GPR39: variants seen among roughly 807,000 people sequenced by gnomAD.
GPR39 encodes G protein-coupled receptor 39, also known as zinc sensing receptor.
GPR39 carries 23 observed loss-of-function variants against 18.4 expected under a neutral mutation model. That is an observed-to-expected ratio of 1.25 (90% CI 0.90 to 1.77). The LOEUF (loss-of-function observed/expected upper bound fraction) is 1.77. GPR39 is among the 40% of genes most tolerant of loss of function. The pLI, the probability that GPR39 is intolerant of heterozygous loss-of-function variation, is 0.00. For missense variants in GPR39, 647 were observed against 602.4 expected (o/e 1.07, Z -0.78); for synonymous variants, 280 against 257.9 (o/e 1.09, Z -0.82).
chr2:132,615,502 T>A (rs1681318207), intron 1 of GPR39, among the ~76,000 whole-genome samples: 1 of 152,088 alleles, frequency 6.6e-6, no homozygotes, highest in African/African-American at 2.4e-5. Context: ...TGTGCTTTAT[T>A]GGAGAGCAGG....
chr2:132,631,280 G>A (rs1451514799), intron 1 of GPR39, among the ~76,000 whole-genome samples: 1 of 152,166 alleles, frequency 6.6e-6, no homozygotes, highest in Non-Finnish European at 1.5e-5. Context: ...TGCTGCACTT[G>A]GATGGGAGAG....
intron 1 of GPR39, among the ~76,000 whole-genome samples, chr2:132,529,812 C>A (rs565047999): frequency 1.3e-5 from 2 of 152,316 alleles, no homozygotes; most frequent in African/African-American, 4.8e-5. Context: ...AGAAGGAAAG[C>A]TAGCAAACAG....
chr2:132,492,403 T>C (rs954338934), intron 1 of GPR39, among the ~76,000 whole-genome samples: 71 of 141,802 alleles, frequency 5.0e-4, no homozygotes, highest in African/African-American at 1.8e-3. Flanking sequence ...ACCATATATA[T>C]ACATACCATA....
intron 1 of GPR39, among the ~76,000 whole-genome samples, chr2:132,534,760 T>A (rs13014973): frequency 1.3e-5 from 2 of 151,894 alleles, no homozygotes; most frequent in African/African-American, 2.4e-5. Context: ...AACACCACAT[T>A]TTCTCACTCA....
chr2:132,481,529 A>G (rs1010243992), intron 1 of GPR39, among the ~76,000 whole-genome samples: 6 of 152,218 alleles, frequency 3.9e-5, no homozygotes, highest in African/African-American at 1.4e-4. Flanking sequence ...TTTTAAGGTC[A>G]TTATTCTGTC....
chr2:132,530,139 C>T (rs1022414760), intron 1 of GPR39, among the ~76,000 whole-genome samples: 1 of 151,934 alleles, frequency 6.6e-6, no homozygotes, highest in African/African-American at 2.4e-5. Flanking sequence ...ACTAGAATAA[C>T]CAATGCAGAG....
rs915480989 is a variant in GPR39, at chr2:132,416,929, G to A, written c.-114G>A. ...ACCTTCGCGAGGAGAACTCGAGTGA[G>A]ATAAAATCGTGCGCCCACGCAGGTG... On this transcript the variant is annotated 5_prime_UTR_variant, in exon 1 of 2. Transcript: ENST00000329321. The A allele has an allele frequency of 1.5e-6, 2 of 1,309,500 alleles. No individual in the cohort carries two copies. The highest frequency in any genetic ancestry group is 2.1e-6 in the Non-Finnish European group (2 of 948,788). 81.1% of individuals were successfully genotyped at this position (1,309,500 alleles called of 1,614,324 possible).
At chr2:132,527,486 T>C (rs2104772244) in intron 1 of GPR39, among the ~76,000 whole-genome samples, 1 of 152,366 alleles carries the variant, frequency 6.6e-6, no homozygotes, top group Non-Finnish European at 1.5e-5. Context: ...AAATGGTGTT[T>C]GTAGTTCTAG....
intron 1 of GPR39, among the ~76,000 whole-genome samples, chr2:132,586,746 C>G (rs1267302969): frequency 6.6e-6 from 1 of 152,188 alleles, no homozygotes; most frequent in Non-Finnish European, 1.5e-5. Context: ...GCACAGTTTG[C>G]TGGGTCTTCA....
intron 1 of GPR39, among the ~76,000 whole-genome samples, chr2:132,486,074 G>C (rs1681331843): frequency 6.6e-6 from 1 of 152,176 alleles, no homozygotes; most frequent in Non-Finnish European, 1.5e-5. Flanking sequence ...TAATCTCCTT[G>C]TACATCTCCA....
chr2:132,603,785 C>T (rs1218656383), intron 1 of GPR39, among the ~76,000 whole-genome samples: 4 of 152,108 alleles, frequency 2.6e-5, no homozygotes, highest in African/African-American at 9.7e-5. Context: ...TGTCAACATT[C>T]TTTTTAAGAA....
chr2:132,639,417 A>G (rs1681821164), intron 1 of GPR39, among the ~76,000 whole-genome samples: 2 of 152,168 alleles, frequency 1.3e-5, no homozygotes, highest in African/African-American at 2.4e-5. Flanking sequence ...ATCATCATCA[A>G]CATACCCCTG....
At chr2:132,441,392 T>TTG (rs1558799557) in intron 1 of GPR39, among the ~76,000 whole-genome samples, 3 of 149,844 alleles carry the variant, frequency 2.0e-5, no homozygotes, top group African/African-American at 7.4e-5. Flanking sequence ...TGCTTTTTTT[T>TTG]TTGTTGTTGT....
At chr2:132,564,847 C>T (rs1388291913) in intron 1 of GPR39, among the ~76,000 whole-genome samples, 6 of 80,518 alleles carry the variant, frequency 7.5e-5, no homozygotes, top group East Asian at 4.6e-4. Flanking sequence ...GACAGAGTCT[C>T]GCTCTATTGC....
intron 1 of GPR39, among the ~76,000 whole-genome samples, chr2:132,633,881 T>G (rs72985834): frequency 0.072 from 10,942 of 151,536 alleles, 1,310 homozygotes; most frequent in African/African-American, 0.25. Context: ...GTTGGTATTG[T>G]TGGTGGTATA....
intron 1 of GPR39, among the ~76,000 whole-genome samples, chr2:132,550,962 TTTAGG>T (rs1257532200): frequency 6.6e-6 from 1 of 152,162 alleles, no homozygotes; most frequent in African/African-American, 2.4e-5. Flanking sequence ...TTTCTTGTGG[TTTAGG>T]TGGAGGAAGA....
intron 1 of GPR39, among the ~76,000 whole-genome samples, chr2:132,509,817 AT>A (rs1035202798): frequency 1.3e-5 from 2 of 152,134 alleles, no homozygotes; most frequent in Non-Finnish European, 2.9e-5. Flanking sequence ...CCAATAGGTC[AT>A]CCCAGCCCCA....
At chr2:132,434,938 G>A (rs550543083) in intron 1 of GPR39, among the ~76,000 whole-genome samples, 1 of 152,162 alleles carries the variant, frequency 6.6e-6, no homozygotes, top group South Asian at 2.1e-4. Flanking sequence ...ACGGAGATGA[G>A]TGCTTCCAAA....
intron 1 of GPR39, among the ~76,000 whole-genome samples, chr2:132,626,448 C>G (rs1681546999): frequency 6.6e-6 from 1 of 152,286 alleles, no homozygotes; most frequent in Middle Eastern, 3.4e-3. Flanking sequence ...GACAGCCCTT[C>G]CATCCCTGAG....
Sources: allele counts gnomAD v4.1 joint callset (sites outside exome capture counted in the v4.1 genomes callset), GRCh38; gene constraint gnomAD v4.1.1; transcripts MANE v1.5; gene names NCBI Gene and HGNC (gene_info 2026-07-23, HGNC 2026-07-21).